Variants in RBFOX1 observed in about 807,000 individuals in gnomAD.
RBFOX1 encodes RNA binding protein fox-1 homolog 1.
A neutral mutation model predicts 57.7 loss-of-function variants in RBFOX1; 8 were observed. The ratio of observed to expected loss-of-function variants is 0.14; its 90% CI spans 0.08 to 0.25. RBFOX1 has a LOEUF of 0.25. Among genes scored for constraint, RBFOX1 ranks in the 10% least tolerant of loss-of-function variants. RBFOX1 has a pLI of 1.00. For missense variants in RBFOX1, 611 were observed against 548.5 expected (o/e 1.11, Z -1.14); for synonymous variants, 326 against 222.4 (o/e 1.47, Z -4.15).
chr16:5,808,197 G>C (rs2151769203), intron 3 of RBFOX1, among the ~76,000 whole-genome samples: 1 of 152,290 alleles, frequency 6.6e-6, no homozygotes, highest in East Asian at 1.9e-4. Context: ...GGCCTCATTA[G>C]GACAGAGGCA....
At chr16:7,149,926 T>A (rs1196019392) in intron 4 of RBFOX1, among the ~76,000 whole-genome samples, 3 of 152,212 alleles carry the variant, frequency 2.0e-5, no homozygotes, top group Non-Finnish European at 4.4e-5. Context: ...ATCCCGTGGC[T>A]TGTTATTTGC....
chr16:6,588,823 C>T (rs1261267367), intron 2 of RBFOX1, among the ~76,000 whole-genome samples: 2 of 152,078 alleles, frequency 1.3e-5, no homozygotes, highest in East Asian at 1.9e-4. Flanking sequence ...GAGAGTGCTC[C>T]CCAGGCCATG....
At chr16:5,280,882 A>T (rs995403288) in intron 1 of RBFOX1, among the ~76,000 whole-genome samples, 20 of 151,830 alleles carry the variant, frequency 1.3e-4, no homozygotes, top group African/African-American at 4.6e-4. Flanking sequence ...ACTTTTCAAA[A>T]AACCAACTTT....
chr16:5,959,042 T>C (rs898208744), intron 4 of RBFOX1, among the ~76,000 whole-genome samples: 1 of 152,222 alleles, frequency 6.6e-6, no homozygotes, highest in African/African-American at 2.4e-5. Flanking sequence ...GCCATTATTC[T>C]GCTGACCACA....
At chr16:7,047,177 T>A (rs2048276376) in intron 3 of RBFOX1, among the ~76,000 whole-genome samples, 1 of 152,172 alleles carries the variant, frequency 6.6e-6, no homozygotes, top group Non-Finnish European at 1.5e-5. Flanking sequence ...GTTTGAAGTT[T>A]CCTTCAGGTA....
At chr16:6,188,898 T>C (rs1278572560) in intron 1 of RBFOX1, among the ~76,000 whole-genome samples, 5 of 114,950 alleles carry the variant, frequency 4.3e-5, no homozygotes, top group Admixed American at 7.9e-5. Flanking sequence ...TCTGCTTTTC[T>C]TTTATTAAGA....
chr16:5,755,163 G>T (rs1215263141), intron 3 of RBFOX1, among the ~76,000 whole-genome samples: 1 of 123,464 alleles, frequency 8.1e-6, no homozygotes, highest in Non-Finnish European at 1.7e-5. Flanking sequence ...ATCCTGCACC[G>T]CCCTTAATCC....
chr16:5,671,389 C>G (rs1326087962), intron 3 of RBFOX1, among the ~76,000 whole-genome samples: 1 of 152,186 alleles, frequency 6.6e-6, no homozygotes, highest in Non-Finnish European at 1.5e-5. Flanking sequence ...CGGTTCTTTT[C>G]TATACACTTC....
chr16:6,806,587 C>T (rs1224882709), intron 3 of RBFOX1, among the ~76,000 whole-genome samples: 1 of 151,600 alleles, frequency 6.6e-6, no homozygotes, highest in African/African-American at 2.4e-5. Context: ...GAACTAGTTC[C>T]CAGCAAATTT....
intron 3 of RBFOX1, among the ~76,000 whole-genome samples, chr16:6,746,683 A>G (rs2073742616): frequency 7.1e-6 from 1 of 141,506 alleles, no homozygotes; most frequent in African/African-American, 2.8e-5. Context: ...GTGTCAGGGA[A>G]AAAAAAAAAG....
chr16:7,348,587 G>A (rs1287383112), intron 4 of RBFOX1, among the ~76,000 whole-genome samples: 1 of 152,166 alleles, frequency 6.6e-6, no homozygotes. Context: ...ACTTTAGTCA[G>A]TTGGGAAAAG....
At chr16:6,481,964 T>A (rs1274336156) in intron 2 of RBFOX1, among the ~76,000 whole-genome samples, 1 of 152,150 alleles carries the variant, frequency 6.6e-6, no homozygotes, top group Non-Finnish European at 1.5e-5. Flanking sequence ...ATGACAAAGA[T>A]GGATGATGGT....
chr16:7,027,772 A>AT lies in RBFOX1; in HGVS notation c.-15-24276dup, dbSNP rs112914770. ...TTTATATTTGTAACATACAGCTTGC[A>AT]TTTTTTTTTATTTTAAACAAGAAAA... On this transcript the variant is annotated intron_variant, in intron 3 of 15. Coordinates refer to ENST00000550418, the MANE Select transcript of RBFOX1 (RefSeq NM_018723.4). 4.6e-3 allele frequency among the ~76,000 whole-genome samples: 703 copies of AT among 151,340 alleles called. 3 individuals carry two copies. Among genetic ancestry groups the AT allele is most frequent in the African/African-American group, 6.6e-3 (273 of 41,278 alleles).
intron 1 of RBFOX1, among the ~76,000 whole-genome samples, chr16:6,112,389 G>C (rs779169101): frequency 2.6e-4 from 40 of 152,228 alleles, no homozygotes; most frequent in Middle Eastern, 6.8e-3. Flanking sequence ...GAGTAATAAA[G>C]GTTCGTTAAA....
intron 3 of RBFOX1, among the ~76,000 whole-genome samples, chr16:5,741,851 A>G (rs972654660): frequency 4.6e-5 from 7 of 152,254 alleles, no homozygotes; most frequent in Admixed American, 6.5e-5. Flanking sequence ...TTTGTAAAAC[A>G]CTTAATGCCT....
chr16:7,487,069 T>C (rs1221105629), intron 4 of RBFOX1, among the ~76,000 whole-genome samples: 1 of 152,066 alleles, frequency 6.6e-6, no homozygotes, highest in African/African-American at 2.4e-5. Flanking sequence ...CCAGCTAATT[T>C]TTGTAATTTT....
chr16:6,833,002 G>A (rs1286002916), intron 3 of RBFOX1, among the ~76,000 whole-genome samples: 5 of 152,016 alleles, frequency 3.3e-5, no homozygotes, highest in African/African-American at 9.7e-5. Flanking sequence ...TACCACTAAT[G>A]TTCTAACTCA....
chr16:7,085,201 T>A (rs1303488702), intron 4 of RBFOX1, among the ~76,000 whole-genome samples: 1 of 152,132 alleles, frequency 6.6e-6, no homozygotes, highest in Non-Finnish European at 1.5e-5. Context: ...GAAAATTGGT[T>A]ATTCTACTTG....
chr16:6,478,604 C>G (rs933844728), intron 2 of RBFOX1, among the ~76,000 whole-genome samples: 1 of 151,114 alleles, frequency 6.6e-6, no homozygotes, highest in African/African-American at 2.4e-5. Flanking sequence ...TCATTTCTAG[C>G]TTTTGATTTA....
Sources: gnomAD v4.1 joint callset for allele counts (sites outside exome capture counted in the v4.1 genomes callset) on GRCh38, gnomAD v4.1.1 for gene constraint, MANE v1.5 for transcripts, NCBI Gene and HGNC (gene_info 2026-07-23, HGNC 2026-07-21) for gene names.